The following FSD1L variants were observed in gnomAD, a reference collection of about 807,000 sequenced individuals.
FSD1L encodes FSD1-like protein.
Under a neutral mutation model 71.6 loss-of-function variants are expected in FSD1L, and 45 were observed. The observed-to-expected ratio is 0.63, with a 90% CI of 0.49 to 0.81. FSD1L has a LOEUF of 0.81. Ranked by LOEUF, FSD1L falls within the 30% of genes least tolerant of loss-of-function variation. FSD1L has a pLI of 0.00. For missense variants in FSD1L, 561 were observed against 618.1 expected (o/e 0.91, Z 0.98); for synonymous variants, 197 against 207.2 (o/e 0.95, Z 0.42).
chr9:105,537,923 G>C (rs1341544685), intron 12 of FSD1L, among the ~76,000 whole-genome samples: 1 of 152,156 alleles, frequency 6.6e-6, no homozygotes, highest in Non-Finnish European at 1.5e-5. Context: ...CAGTGTAGAA[G>C]TAGAATTCAT....
chr9:105,451,055 G>A (rs1015185712), intron 1 of FSD1L, among the ~76,000 whole-genome samples: 23 of 152,004 alleles, frequency 1.5e-4, no homozygotes, highest in African/African-American at 5.1e-4. Context: ...CACCTCCCAG[G>A]TTCACGCCAT....
chr9:105,481,179 G>GTGTGTGTGTGTGTGTGT (rs71364100), intron 6 of FSD1L, among the ~76,000 whole-genome samples: 137 of 115,314 alleles, frequency 1.2e-3, no homozygotes, highest in East Asian at 3.5e-3. Flanking sequence ...GTGTGTGTGT[G>GTGTGTGTGTGTGTGTGT]GTTCTTTTTT....
intron 5 of FSD1L, chr9:105,472,354 C>T (rs1588956117): frequency 4.7e-6 from 1 of 212,124 alleles, no homozygotes; most frequent in Non-Finnish European, 9.3e-6. Flanking sequence ...TGTTTTATTA[C>T]AACATGGAAA....
At chr9:105,542,605 C>T (rs754784521) in intron 13 of FSD1L, among the ~76,000 whole-genome samples, 5 of 152,078 alleles carry the variant, frequency 3.3e-5, no homozygotes, top group Non-Finnish European at 7.4e-5. Context: ...AGGTGCCCAC[C>T]ACCATACCCG....
At chr9:105,532,538 G>T (rs1195744091) in intron 10 of FSD1L, among the ~76,000 whole-genome samples, 1 of 152,000 alleles carries the variant, frequency 6.6e-6, no homozygotes, top group Non-Finnish European at 1.5e-5. Context: ...CCTTCATTTT[G>T]GAGATCTCAA....
chr9:105,496,362 G>C (rs544998698), intron 7 of FSD1L, among the ~76,000 whole-genome samples: 63 of 152,074 alleles, frequency 4.1e-4, no homozygotes, highest in African/African-American at 1.5e-3. Context: ...TCAATACTGT[G>C]TTGCCTTTAT....
chr9:105,542,203 T>C (rs1589115265), intron 13 of FSD1L, among the ~76,000 whole-genome samples: 1 of 152,210 alleles, frequency 6.6e-6, no homozygotes, highest in Non-Finnish European at 1.5e-5. Context: ...AAAGTGGCTG[T>C]ACCATTTTTT....
chr9:105,481,351 C>A (rs150466528), intron 6 of FSD1L, among the ~76,000 whole-genome samples: 3,741 of 150,782 alleles, frequency 0.025, 175 homozygotes, highest in African/African-American at 0.087. Context: ...GTGGTGCAAT[C>A]TTGGCTCACT....
intron 12 of FSD1L, among the ~76,000 whole-genome samples, chr9:105,537,053 T>TA (rs753579394): frequency 2.0e-4 from 31 of 152,252 alleles, no homozygotes; most frequent in Non-Finnish European, 4.1e-4. Context: ...GTCTTAAAAT[T>TA]ATCTAAAAAT....
At chr9:105,522,483 G>A (rs540946983) in intron 10 of FSD1L, 42 of 1,613,862 alleles carry the variant, frequency 2.6e-5, no homozygotes, top group African/African-American at 5.3e-5. Flanking sequence ...TCCAGGAACC[G>A]AAAAGGCGAG....
In FSD1L at chr9:105,472,872, C is replaced by G. The variant is rs180962716; in HGVS notation, c.441+867C>G. 18 of 152,272 alleles carry G rather than the reference C, an allele frequency of 1.2e-4. 1 individual carries two copies. In the East Asian group the frequency reaches 3.3e-3, roughly 28 times the overall value. 9.4% of individuals were successfully genotyped at this position (152,272 alleles called of 1,614,324 possible). On this transcript the variant is annotated intron_variant, in intron 5 of 13. Transcript: ENST00000481272. ...AAACACATGAATCAAAACAAAAGTT[C>G]TTTTGCTGTAAGCCAATGCATGAAT...
intron 7 of FSD1L, among the ~76,000 whole-genome samples, chr9:105,505,258 T>G (rs1833985846): frequency 6.6e-6 from 1 of 152,172 alleles, no homozygotes; most frequent in African/African-American, 2.4e-5. Flanking sequence ...GTTTTTTTGT[T>G]GTTGTTGTTT....
intron 10 of FSD1L, chr9:105,520,465 C>T: frequency 9.5e-7 from 1 of 1,057,714 alleles, no homozygotes; most frequent in East Asian, 2.4e-5. Flanking sequence ...TAGTCTTAAA[C>T]AGAAAGGTCA....
intron 7 of FSD1L, among the ~76,000 whole-genome samples, chr9:105,493,330 T>A (rs1833092824): frequency 6.6e-6 from 1 of 152,092 alleles, no homozygotes; most frequent in South Asian, 2.1e-4. Flanking sequence ...AACCCCTGCC[T>A]TTTTTAGTTT....
At chr9:105,525,979 T>G in intron 10 of FSD1L, 1 of 1,571,848 alleles carries the variant, frequency 6.4e-7, no homozygotes, top group Non-Finnish European at 8.8e-7. Context: ...CATTGTTTGG[T>G]CAGAGCATAC....
At chr9:105,453,397 A>G (rs539060160) in intron 1 of FSD1L, among the ~76,000 whole-genome samples, 2 of 152,136 alleles carry the variant, frequency 1.3e-5, no homozygotes, top group East Asian at 3.9e-4. Flanking sequence ...TGGCCAGGGT[A>G]GTCTTGAACT....
At chr9:105,537,282 C>T (rs944604289) in intron 12 of FSD1L, among the ~76,000 whole-genome samples, 3 of 152,108 alleles carry the variant, frequency 2.0e-5, no homozygotes, top group African/African-American at 7.2e-5. Context: ...CGTGAGCTGT[C>T]AGTTAATTTA....
chr9:105,524,100 G>A, intron 10 of FSD1L: 1 of 1,612,078 alleles, frequency 6.2e-7, no homozygotes, highest in South Asian at 1.1e-5. Context: ...CTCGGCAAGA[G>A]ATGAGCCCTC....
At chr9:105,492,106 C>T (rs1008841592) in intron 7 of FSD1L, among the ~76,000 whole-genome samples, 8 of 152,070 alleles carry the variant, frequency 5.3e-5, no homozygotes, top group South Asian at 4.1e-4. Context: ...TGGTAGAATT[C>T]GGCTGTGAAT....
Sources: allele counts gnomAD v4.1 joint callset (sites outside exome capture counted in the v4.1 genomes callset), GRCh38; gene constraint gnomAD v4.1.1; transcripts MANE v1.5; gene names NCBI Gene and HGNC (gene_info 2026-07-23, HGNC 2026-07-21).